OSTM1: variants seen among roughly 807,000 people sequenced by gnomAD.
OSTM1 encodes the protein osteopetrosis-associated transmembrane protein 1.
OSTM1 carries 26 observed loss-of-function variants against 35.4 expected under a neutral mutation model. The observed-to-expected ratio is 0.73, with a 90% confidence interval of 0.54 to 1.02. The LOEUF (loss-of-function observed/expected upper bound fraction) is 1.02. OSTM1 is among the 50% of genes least tolerant of loss of function. The pLI, the probability that OSTM1 is intolerant of heterozygous loss-of-function variation, is 0.00. For synonymous variants in OSTM1, 181 were observed against 165.0 expected (o/e 1.10, Z -0.75); for missense variants, 366 against 409.6 (o/e 0.89, Z 0.92).
chr6:108,044,808 T>C lies in OSTM1; in HGVS notation c.982A>G (p.Asn328Asp), dbSNP rs1258265662. The change falls in exon 6 of 6, where the codon AAT becomes GAT. Residue 328 changes from asparagine (N) to aspartate (D), a missense_variant. Asn to Asp is a conservative substitution (Grantham distance 23, BLOSUM62 1). Around this residue, in one of 3 missense-constraint regions of OSTM1, gnomAD observed 125 missense variants for 151.7 expected, o/e 0.82. Coordinates refer to ENST00000193322, the MANE Select transcript of OSTM1 (RefSeq NM_014028.4). ...KRLKSSTSFA[N>D]IQENSN ...TCTCAGTTTGAATTTTCCTGAATAT[T>C]TGCAAAACTGGTACTGGACTTGAGA... 3 of 1,582,994 alleles carry C rather than the reference T, an allele frequency of 1.9e-6. No homozygotes were observed. The highest frequency in any genetic ancestry group is 2.7e-5 in the African/African-American group (2 of 74,440).
rs1771897935 is a variant in OSTM1, at chr6:108,042,932, T to C, written c.*1853A>G. The C allele has an allele frequency of 6.6e-6, 1 of 152,204 alleles. No individual in the cohort carries two copies. Among genetic ancestry groups the C allele is most frequent in the Non-Finnish European group, 1.5e-5 (1 of 68,048 alleles). The allele number at this position is 152,204 out of a possible 1,614,324, so 9.4% of individuals were successfully genotyped here. ...CAGTACTATGCAAATCATTTTTCAA[T>C]ATGACAAAATGAAAAACTTACACAC... On this transcript the variant is annotated 3_prime_UTR_variant, in exon 6 of 6. Coordinates refer to ENST00000193322, the MANE Select transcript of OSTM1 (RefSeq NM_014028.4).
chr6:108,060,134 C>G (rs1218467720), intron 2 of OSTM1, among the ~76,000 whole-genome samples: 2 of 152,154 alleles, frequency 1.3e-5, no homozygotes, highest in Non-Finnish European at 1.5e-5. Context: ...TCATACTTCT[C>G]TGTACCTCGC....
intron 5 of OSTM1, among the ~76,000 whole-genome samples, chr6:108,047,327 A>G (rs1414932801): frequency 6.6e-6 from 1 of 152,222 alleles, no homozygotes; most frequent in Non-Finnish European, 1.5e-5. Context: ...AGAAGAACAG[A>G]AAGGAACCAG....
Position 108,070,033 on chromosome 6 carries a change from C to T in OSTM1, c.402+4217G>A, listed in dbSNP as rs186124571. Among the ~76,000 whole-genome samples, 922 of 151,854 alleles carry T rather than the reference C, an allele frequency of 6.1e-3. 6 individuals are homozygous for T. Among genetic ancestry groups the T allele is most frequent in the Non-Finnish European group, 1.0e-2 (677 of 67,960 alleles). On this transcript the variant is annotated intron_variant, in intron 1 of 5. Coordinates refer to ENST00000193322, the MANE Select transcript of OSTM1 (RefSeq NM_014028.4). ...CTGATGAACCAGCCTTGCTCTGTTC[C>T]GTCATTTTTTTTTTCTTTTTTTGAG...
intron 2 of OSTM1, 136 bp downstream of exon 2, chr6:108,064,049 T>G (rs112000441): frequency 1.6e-6 from 1 of 639,198 alleles, no homozygotes. Context: ...TAAACCATGG[T>G]GTCCATGACA....
intron 1 of OSTM1, among the ~76,000 whole-genome samples, chr6:108,072,144 G>A (rs115800372): frequency 0.017 from 2,534 of 152,286 alleles, 65 homozygotes; most frequent in African/African-American, 0.058. Context: ...GTTCTTTAGA[G>A]TAAATGGAAC....
intron 2 of OSTM1, among the ~76,000 whole-genome samples, chr6:108,059,880 G>A (rs1252502550): frequency 6.6e-6 from 1 of 152,048 alleles, no homozygotes; most frequent in African/African-American, 2.4e-5. Flanking sequence ...CGTAATTCTG[G>A]AAAATGAAAT....
Position 108,074,547 on chromosome 6 carries a change from G to A in OSTM1, c.105C>T (p.Phe35=), listed in dbSNP as rs754523785. The A allele has an allele frequency of 7.1e-6, 11 of 1,556,588 alleles. No individual in the cohort carries two copies. In the Admixed American group the frequency reaches 7.6e-5, roughly 11 times the overall value. ...WSGLALGALP[F]GSSPHRVFHD... ...GGAAGACCCTGTGCGGACTGCTGCC[G>A]AAGGGGAGCGCGCCCAGGGCCAGCC... The change falls in exon 1 of 6, where the codon TTC becomes TTT. Residue 35 remains phenylalanine, a synonymous_variant. Coordinates refer to ENST00000193322, the MANE Select transcript of OSTM1 (RefSeq NM_014028.4).
At chr6:108,045,834 T>C (rs1771958792) in intron 5 of OSTM1, among the ~76,000 whole-genome samples, 1 of 152,122 alleles carries the variant, frequency 6.6e-6, no homozygotes, top group South Asian at 2.1e-4. Flanking sequence ...TTATACTGAG[T>C]AACTAAGAGT....
chr6:108,042,574 C>T lies in OSTM1; in HGVS notation c.*2211G>A, dbSNP rs117342375. On this transcript the variant is annotated 3_prime_UTR_variant, in exon 6 of 6. Coordinates refer to ENST00000193322, the MANE Select transcript of OSTM1 (RefSeq NM_014028.4). ...AGGACTACAGGCACTTACCACCATA[C>T]CCAGCTAATTTTTGTATTTTTTGCA... 2.0e-5 allele frequency: 3 copies of T among 151,982 alleles called. No individual in the cohort carries two copies. The East Asian group carries it at 5.8e-4, about 30-fold the overall frequency. 9.4% of individuals were successfully genotyped at this position (151,982 alleles called of 1,614,324 possible).
Position 108,044,798 on chromosome 6 carries a change from T to C in OSTM1, c.992A>G (p.Glu331Gly). The C allele has an allele frequency of 6.3e-7, 1 of 1,577,034 alleles. No individual in the cohort carries two copies. The highest frequency in any genetic ancestry group is 8.7e-7 in the Non-Finnish European group (1 of 1,150,386). Residue 331 changes from glutamate (E) to glycine (G), a missense_variant, in exon 6 of 6, where the codon GAA becomes GGA. By Grantham distance (98) the Glu-to-Gly change is moderately conservative. Around this residue, in one of 3 missense-constraint regions of OSTM1, gnomAD observed 125 missense variants for 151.7 expected, o/e 0.82. Coordinates refer to ENST00000193322, the MANE Select transcript of OSTM1 (RefSeq NM_014028.4). ...KSSTSFANIQ[E>G]NSN The stretch of plus-strand genomic sequence containing the variant: ...ATTTTGTAGGTCTCAGTTTGAATTT[T>C]CCTGAATATTTGCAAAACTGGTACT...
chr6:108,056,857 A>T (rs1329739334), intron 2 of OSTM1, among the ~76,000 whole-genome samples: 1 of 152,196 alleles, frequency 6.6e-6, no homozygotes, highest in Non-Finnish European at 1.5e-5. Flanking sequence ...TATTTAAAAA[A>T]TCTGAGGGAT....
At position 108,050,358 on chromosome 6, in the gene OSTM1, CTT is replaced by C. The variant is rs759901355; in HGVS notation, c.783+671_783+672del. Among the ~76,000 whole-genome samples, 1,001 of 104,724 alleles carry C rather than the reference CTT, an allele frequency of 9.6e-3. 5 individuals are homozygous for C. Among genetic ancestry groups the C allele is most frequent in the African/African-American group, 0.035 (934 of 26,844 alleles). The allele number at this position is 104,724 out of a possible 152,430, so 68.7% of individuals were successfully genotyped here. On this transcript the variant is annotated intron_variant, in intron 4 of 5. Coordinates refer to ENST00000193322, the MANE Select transcript of OSTM1 (RefSeq NM_014028.4). ...AACATGTAGTGAAATCCAGAAACGT[CTT>C]TTTTTTTTTTTTTTTTTTTTTGAGA...
chr6:108,056,066 C>A (rs1707781899), intron 2 of OSTM1, among the ~76,000 whole-genome samples: 1 of 152,212 alleles, frequency 6.6e-6, no homozygotes, highest in Non-Finnish European at 1.5e-5. Context: ...TAGGTAGACA[C>A]TAGGATATGA....
intron 2 of OSTM1, among the ~76,000 whole-genome samples, chr6:108,057,630 G>T (rs559711254): frequency 2.0e-5 from 3 of 152,174 alleles, no homozygotes; most frequent in South Asian, 4.1e-4. Flanking sequence ...AAGAACAAAA[G>T]AACTTAATTT....
chr6:108,068,925 T>TC (rs1772430244), intron 1 of OSTM1, among the ~76,000 whole-genome samples: 1 of 152,208 alleles, frequency 6.6e-6, no homozygotes, highest in Non-Finnish European at 1.5e-5. Context: ...TCCTTCTTGC[T>TC]CACTGTGCTG....
At chr6:108,052,102 T>C (rs559197775) in intron 3 of OSTM1, among the ~76,000 whole-genome samples, 13 of 152,272 alleles carry the variant, frequency 8.5e-5, no homozygotes, top group African/African-American at 2.9e-4. Context: ...AAATAGCCCA[T>C]TGCTTGTTTT....
At chr6:108,066,592 G>A (rs926812114) in intron 1 of OSTM1, among the ~76,000 whole-genome samples, 5 of 152,172 alleles carry the variant, frequency 3.3e-5, no homozygotes, top group Non-Finnish European at 7.3e-5. Context: ...GGCAGTATTG[G>A]TGACACTAAC....
intron 1 of OSTM1, among the ~76,000 whole-genome samples, chr6:108,073,980 G>A (rs2114615657): frequency 6.6e-6 from 1 of 152,244 alleles, no homozygotes; most frequent in Non-Finnish European, 1.5e-5. Flanking sequence ...GGTGGAGGAA[G>A]AGCAAGAGGG....
Sources: gnomAD v4.1 joint callset for allele counts (sites outside exome capture counted in the v4.1 genomes callset) on GRCh38, gnomAD v4.1.1 for gene constraint, gnomAD v4.1.1 regional missense constraint, MANE v1.5 for transcripts, NCBI Gene and HGNC (gene_info 2026-07-23, HGNC 2026-07-21) for gene names.